Variants in STYXL1 observed in about 807,000 individuals in gnomAD.
STYXL1 encodes serine/threonine/tyrosine interacting like 1.
In STYXL1, 32 loss-of-function variants were observed where a neutral mutation model predicts 36.4. That is an observed-to-expected ratio of 0.88 (90% confidence interval 0.66 to 1.18). STYXL1 has a LOEUF of 1.18. STYXL1 is among the 50% of genes most tolerant of loss of function. The pLI, the probability that STYXL1 is intolerant of heterozygous loss-of-function variation, is 0.00. For synonymous variants in STYXL1, 133 were observed against 144.1 expected, an observed-to-expected ratio of 0.92 and a Z score of 0.55; for missense variants, 354 against 394.1, an observed-to-expected ratio of 0.90 and a Z score of 0.86.
At chr7:76,001,758 G>C (rs1447055473) in intron 7 of STYXL1, among the ~76,000 whole-genome samples, 1 of 148,398 alleles carries the variant, frequency 6.7e-6, no homozygotes, top group Non-Finnish European at 1.5e-5. Flanking sequence ...GCCTCCCAAA[G>C]TGCTGGGATT....
chr7:76,007,297 A>G (rs954712885), intron 5 of STYXL1, among the ~76,000 whole-genome samples: 3 of 151,964 alleles, frequency 2.0e-5, no homozygotes, highest in Non-Finnish European at 4.4e-5. Context: ...ATGATGGTGC[A>G]TGCCTGTAGT....
chr7:75,996,394 A>C lies in STYXL1; in HGVS notation c.*74T>G. ...TCCTTCCAGACAAGCCTGGGTATAC[A>C]CACTCTGGCCCTCCACCCACAAAAT... On this transcript the variant is annotated 3_prime_UTR_variant, in exon 9 of 9. Transcript: ENST00000359697. 6.2e-7 allele frequency: 1 copy of C among 1,612,790 alleles called. No individual in the cohort carries two copies. Among genetic ancestry groups the C allele is most frequent in the South Asian group, 1.1e-5 (1 of 90,776 alleles).
intron 2 of STYXL1, among the ~76,000 whole-genome samples, chr7:76,029,844 G>A (rs1220077552): frequency 3.3e-5 from 5 of 152,098 alleles, no homozygotes; most frequent in Non-Finnish European, 5.9e-5. Context: ...AGCAGGTGGA[G>A]CTCAGGCGGT....
At chr7:76,040,823 T>TAAAAAAAA (rs35135560) in intron 1 of STYXL1, among the ~76,000 whole-genome samples, 1 of 119,698 alleles carries the variant, frequency 8.4e-6, no homozygotes, top group Non-Finnish European at 1.9e-5. Context: ...GCAACACAGC[T>TAAAAAAAA]AAAAAAAAAA....
At chr7:75,997,336 A>C (rs1201197885) in intron 8 of STYXL1, among the ~76,000 whole-genome samples, 2 of 152,218 alleles carry the variant, frequency 1.3e-5, no homozygotes, top group African/African-American at 4.8e-5. Flanking sequence ...TGGGTGGCTG[A>C]GGCAGGAAAA....
At chr7:76,020,997 T>G (rs1793987724) in intron 4 of STYXL1, among the ~76,000 whole-genome samples, 1 of 152,080 alleles carries the variant, frequency 6.6e-6, no homozygotes, top group Admixed American at 6.6e-5. Context: ...CATCACTAAG[T>G]CACCTTGCTT....
intron 1 of STYXL1, among the ~76,000 whole-genome samples, chr7:76,046,315 TGTGTGTGTGTGTGTGTGTGTGTGTGC>T (rs1350988849): frequency 0.092 from 4,595 of 50,046 alleles, 213 homozygotes; most frequent in Middle Eastern, 0.18. Flanking sequence ...TGTGTGTGTG[TGTGTGTGTGTGTGTGTGTGTGTGTGC>T]GCGCGCGCGC....
At chr7:76,034,897 A>C (rs1585322960) in intron 1 of STYXL1, among the ~76,000 whole-genome samples, 2 of 152,166 alleles carry the variant, frequency 1.3e-5, no homozygotes, top group African/African-American at 4.8e-5. Context: ...ACACATACCA[A>C]TGATTCCCAA....
intron 2 of STYXL1, 91 bp from the exon 3 acceptor site, chr7:76,028,794 G>T (rs1303793693): frequency 1.0e-5 from 12 of 1,176,374 alleles, no homozygotes; most frequent in African/African-American, 1.5e-5. Context: ...ACGTCTATTT[G>T]TTTGGCAGTT....
At chr7:76,010,389 G>T (rs1318387513) in intron 5 of STYXL1, among the ~76,000 whole-genome samples, 3 of 152,150 alleles carry the variant, frequency 2.0e-5, no homozygotes, top group African/African-American at 7.2e-5. Flanking sequence ...CTGACCTCAG[G>T]CATGAGTCCC....
At chr7:76,027,441 TGGGC>T (rs1794842061) in intron 3 of STYXL1, among the ~76,000 whole-genome samples, 1 of 151,834 alleles carries the variant, frequency 6.6e-6, no homozygotes, top group Admixed American at 6.6e-5. Context: ...CATGACAGCC[TGGGC>T]AACATAATAA....
chr7:76,047,771 A>C lies in STYXL1; in HGVS notation c.-114T>G. On this transcript the variant is annotated 5_prime_UTR_variant, in exon 1 of 9. Transcript: ENST00000359697. ...GCTCCACCTCCCCGGCTGCGCGACT[A>C]TGGCCAGGCTCCCTGTCGGAGCCTC... 4.8e-6 allele frequency: 2 copies of C among 413,402 alleles called. No homozygotes were observed. The highest frequency in any genetic ancestry group is 2.8e-5 in the South Asian group (1 of 35,652). 25.6% of individuals were successfully genotyped at this position (413,402 alleles called of 1,614,324 possible). A position where few individuals can be genotyped will look rare whatever the true frequency, so the allele number is the denominator to read the frequency against.
intron 3 of STYXL1, among the ~76,000 whole-genome samples, chr7:76,025,951 GGGA>G (rs2116196676): frequency 6.6e-6 from 1 of 152,044 alleles, no homozygotes; most frequent in South Asian, 2.1e-4. Context: ...CCAGCACTTT[GGGA>G]GGCTGAGGTG....
chr7:75,999,551 G>GTGTGTGAGTGTGTGTGTGTGTA, intron 8 of STYXL1, among the ~76,000 whole-genome samples: 1 of 80,134 alleles, frequency 1.2e-5, no homozygotes, highest in Admixed American at 1.2e-4. Flanking sequence ...GTGTGTGTGT[G>GTGTGTGAGTGTGTGTGTGTGTA]TATATTTTTT....
At chr7:75,999,287 T>C (rs1341289064) in intron 8 of STYXL1, among the ~76,000 whole-genome samples, 1 of 152,198 alleles carries the variant, frequency 6.6e-6, no homozygotes, top group African/African-American at 2.4e-5. Context: ...AAGGAACTTA[T>C]ATAAGGTACC....
In STYXL1 at chr7:76,047,911, A is replaced by G; in HGVS notation, c.-254T>C. 7.0e-7 allele frequency: 1 copy of G among 1,418,966 alleles called. No individual in the cohort carries two copies. Among genetic ancestry groups the G allele is most frequent in the Admixed American group, 2.8e-5 (1 of 35,936 alleles). 87.9% of individuals were successfully genotyped at this position (1,418,966 alleles called of 1,614,324 possible). A position where few individuals can be genotyped will look rare whatever the true frequency, so the allele number is the denominator to read the frequency against. On this transcript the variant is annotated 5_prime_UTR_variant, in exon 1 of 9. Transcript: ENST00000359697. ...CTCCCACTCCGACCGCAGGTCCCCC[A>G]CCGGCCACACAGACGGCTACGCTAG...
intron 7 of STYXL1, among the ~76,000 whole-genome samples, chr7:76,001,961 A>G (rs1790999696): frequency 6.6e-6 from 1 of 151,056 alleles, no homozygotes; most frequent in African/African-American, 2.4e-5. Flanking sequence ...ATTTTATTTT[A>G]GAGACTGGGT....
At chr7:76,005,472 A>C in intron 5 of STYXL1, 68 bp from the exon 6 acceptor site, 1 of 1,458,942 alleles carries the variant, frequency 6.9e-7, no homozygotes, top group Middle Eastern at 1.9e-4. Flanking sequence ...CTATCTCTTG[A>C]AACACAGCTC....
At chr7:76,014,786 A>G (rs1275547469) in intron 4 of STYXL1, among the ~76,000 whole-genome samples, 1 of 148,874 alleles carries the variant, frequency 6.7e-6, no homozygotes, top group African/African-American at 2.6e-5. Context: ...ATACATGTAT[A>G]TATTATATTT....
Sources: allele counts gnomAD v4.1 joint callset (sites outside exome capture counted in the v4.1 genomes callset), GRCh38; gene constraint gnomAD v4.1.1; transcripts MANE v1.5; gene names NCBI Gene and HGNC (gene_info 2026-07-23, HGNC 2026-07-21).